The following CWC27 variants were observed in gnomAD, a reference collection of about 807,000 sequenced individuals.
CWC27 encodes the protein CWC27 spliceosome associated cyclophilin, also known as spliceosome-associated protein CWC27 homolog.
CWC27 carries 47 observed loss-of-function variants against 63.6 expected under a neutral mutation model. The ratio of observed to expected loss-of-function variants is 0.74; its 90% CI spans 0.58 to 0.94. The LOEUF is 0.94. Among genes scored for constraint, CWC27 ranks in the 40% least tolerant of loss-of-function variants. The pLI, the probability that CWC27 is intolerant of heterozygous loss-of-function variation, is 0.00. For missense variants in CWC27, 495 were observed against 554.3 expected (o/e 0.89, Z 1.07); for synonymous variants, 175 against 179.8 (o/e 0.97, Z 0.22).
Position 64,794,514 on chromosome 5 carries a change from C to T in CWC27, c.669+5494C>T, listed in dbSNP as rs549286281. 2.3e-3 allele frequency among the ~76,000 whole-genome samples: 357 copies of T among 152,132 alleles called. 2 individuals are homozygous for T. Among genetic ancestry groups the T allele is most frequent in the African/African-American group, 8.2e-3 (340 of 41,524 alleles). ...CATCCTCTGCATTGTTTAGATCATA[C>T]TTGCAGCATTTTATCCAGTTGTGAA... is the stretch of plus-strand genomic sequence containing the variant. On this transcript the variant is annotated intron_variant, in intron 7 of 13. Transcript: ENST00000381070.
intron 11 of CWC27, among the ~76,000 whole-genome samples, chr5:64,891,613 A>G (rs552619363): frequency 2.6e-5 from 4 of 152,312 alleles, no homozygotes; most frequent in Admixed American, 2.6e-4. Flanking sequence ...CTTCCAAGTC[A>G]TAATTAGCGA....
chr5:64,949,824 G>C (rs996509978), intron 11 of CWC27, among the ~76,000 whole-genome samples: 1 of 151,870 alleles, frequency 6.6e-6, no homozygotes, highest in Non-Finnish European at 1.5e-5. Context: ...ATTTCTCTAA[G>C]ATTCCTGTCC....
intron 10 of CWC27, among the ~76,000 whole-genome samples, chr5:64,832,401 C>T (rs187075517): frequency 6.6e-6 from 1 of 151,570 alleles, no homozygotes; most frequent in East Asian, 1.9e-4. Context: ...TTATTGTCTA[C>T]TAATAGTTTG....
At chr5:64,843,943 G>A (rs958632487) in intron 10 of CWC27, among the ~76,000 whole-genome samples, 74 of 151,812 alleles carry the variant, frequency 4.9e-4, no homozygotes, top group African/African-American at 1.8e-3. Flanking sequence ...CCGCAGCCCC[G>A]ACCCACAAAG....
At chr5:64,975,792 TG>T (rs1402435635) in intron 12 of CWC27, among the ~76,000 whole-genome samples, 1 of 152,214 alleles carries the variant, frequency 6.6e-6, no homozygotes, top group Non-Finnish European at 1.5e-5. Flanking sequence ...AGGCCAGGCA[TG>T]GTGGCTCACA....
intron 10 of CWC27, among the ~76,000 whole-genome samples, chr5:64,861,779 G>A (rs1746417716): frequency 6.6e-6 from 1 of 152,138 alleles, no homozygotes; most frequent in African/African-American, 2.4e-5. Flanking sequence ...AACTGCCATT[G>A]TGCTGCCTTA....
intron 10 of CWC27, among the ~76,000 whole-genome samples, chr5:64,877,697 A>T (rs1306924725): frequency 6.6e-6 from 1 of 152,016 alleles, no homozygotes; most frequent in Non-Finnish European, 1.5e-5. Flanking sequence ...TTAGAAATCA[A>T]TAAAAATTGT....
At chr5:64,827,059 C>A (rs1003309816) in intron 10 of CWC27, among the ~76,000 whole-genome samples, 1 of 152,032 alleles carries the variant, frequency 6.6e-6, no homozygotes, top group Non-Finnish European at 1.5e-5. Context: ...TTTAAACAAG[C>A]GCATTGAAAG....
At chr5:64,977,344 A>G (rs1580760266) in intron 13 of CWC27, 106 bp downstream of exon 13, 1 of 725,596 alleles carries the variant, frequency 1.4e-6, no homozygotes, top group East Asian at 3.0e-5. Context: ...AGAGTTTACC[A>G]TCACCATTAT....
intron 10 of CWC27, among the ~76,000 whole-genome samples, chr5:64,858,119 CAG>C (rs1379474763): frequency 6.8e-5 from 6 of 88,080 alleles, no homozygotes; most frequent in Non-Finnish European, 1.2e-4. Context: ...GCCTGGGCGA[CAG>C]AGCGAGACTC....
chr5:64,785,218 A>T (rs912845816), intron 4 of CWC27, among the ~76,000 whole-genome samples: 3 of 152,122 alleles, frequency 2.0e-5, no homozygotes, highest in African/African-American at 7.2e-5. Context: ...TCAGTAGGAG[A>T]TTATTTGGCA....
chr5:64,800,217 C>A, intron 7 of CWC27, 31 bp from the exon 8 acceptor site: 1 of 1,406,626 alleles, frequency 7.1e-7, no homozygotes, highest in Non-Finnish European at 9.9e-7. Context: ...TTTATTTCCC[C>A]CCTCATGATT....
chr5:64,858,370 G>C (rs1171850419), intron 10 of CWC27, among the ~76,000 whole-genome samples: 1 of 149,670 alleles, frequency 6.7e-6, no homozygotes, highest in African/African-American at 2.5e-5. Context: ...GCTGAGGCAG[G>C]AGAATGGCAT....
intron 11 of CWC27, among the ~76,000 whole-genome samples, chr5:64,956,671 T>C (rs1246735814): frequency 6.6e-6 from 1 of 152,128 alleles, no homozygotes. Context: ...AAAACTGTCA[T>C]TGGTTTCCCT....
chr5:64,956,165 A>G (rs1053832624), intron 11 of CWC27, among the ~76,000 whole-genome samples: 14 of 152,192 alleles, frequency 9.2e-5, no homozygotes, highest in African/African-American at 3.4e-4. Flanking sequence ...CTCACAAATA[A>G]TCAATAATTA....
intron 10 of CWC27, among the ~76,000 whole-genome samples, chr5:64,882,973 G>A (rs1746982001): frequency 6.6e-6 from 1 of 152,166 alleles, no homozygotes; most frequent in Non-Finnish European, 1.5e-5. Flanking sequence ...TGCTAATAAA[G>A]ACATACCCAA....
rs564248710 is a variant in CWC27, at chr5:64,874,713, T to G, written c.939-10730T>G. On this transcript the variant is annotated intron_variant, in intron 10 of 13. Transcript: ENST00000381070. The stretch of plus-strand genomic sequence containing the variant: ...TCAGTTCCAATGCTTATTGCTCTGG[T>G]TTTCAGTCCCCCTCCTCATTTTCCA... 4.6e-5 allele frequency among the ~76,000 whole-genome samples: 7 copies of G among 152,150 alleles called. No homozygotes were observed. The East Asian group carries it at 1.4e-3, about 29-fold the overall frequency.
At chr5:64,830,819 T>A (rs1745498131) in intron 10 of CWC27, among the ~76,000 whole-genome samples, 1 of 152,154 alleles carries the variant, frequency 6.6e-6, no homozygotes, top group South Asian at 2.1e-4. Context: ...AACAGACACA[T>A]GAACTCATCC....
chr5:64,792,022 T>C (rs370712548), intron 7 of CWC27, among the ~76,000 whole-genome samples: 12 of 152,116 alleles, frequency 7.9e-5, no homozygotes, highest in African/African-American at 2.9e-4. Flanking sequence ...ATCTCCCCTC[T>C]CTTCTTTTCC....
Sources: allele counts gnomAD v4.1 joint callset (sites outside exome capture counted in the v4.1 genomes callset), GRCh38; gene constraint gnomAD v4.1.1; transcripts MANE v1.5; gene names NCBI Gene and HGNC (gene_info 2026-07-23, HGNC 2026-07-21).